Variants in LIPA observed in about 807,000 individuals in gnomAD.
LIPA encodes the protein lysosomal acid lipase/cholesteryl ester hydrolase.
A neutral mutation model predicts 40.6 loss-of-function variants in LIPA; 26 were observed. The observed-to-expected ratio is 0.64, with a 90% CI of 0.47 to 0.89. The LOEUF is 0.89. LIPA is among the 40% of genes least tolerant of loss of function. The pLI, the probability that LIPA is intolerant of heterozygous loss-of-function variation, is 0.00. For missense variants in LIPA, 455 were observed against 479.6 expected, an observed-to-expected ratio of 0.95 and a Z score of 0.48; for synonymous variants, 188 against 168.4, an observed-to-expected ratio of 1.12 and a Z score of -0.90.
intron 3 of LIPA, among the ~76,000 whole-genome samples, chr10:89,229,859 C>T (rs1274326432): frequency 6.6e-6 from 1 of 151,722 alleles, no homozygotes; most frequent in Non-Finnish European, 1.5e-5. Flanking sequence ...ATGTTCATAA[C>T]AGGGGAGTGT....
chr10:89,273,571 G>A (rs533006016), intron 1 of LIPA, among the ~76,000 whole-genome samples: 1 of 152,300 alleles, frequency 6.6e-6, no homozygotes, highest in South Asian at 2.1e-4. Context: ...AAAGTGTTGT[G>A]CTGAGAAAAA....
At chr10:89,296,020 T>TCTATG (rs1427931078) in intron 1 of LIPA, among the ~76,000 whole-genome samples, 3 of 152,242 alleles carry the variant, frequency 2.0e-5, no homozygotes, top group African/African-American at 7.2e-5. Context: ...AAAACCTTTC[T>TCTATG]CTATGCTTCT....
chr10:89,365,632 G>A (rs1844051111), intron 2 of LIPA, among the ~76,000 whole-genome samples: 1 of 151,986 alleles, frequency 6.6e-6, no homozygotes, highest in Non-Finnish European at 1.5e-5. Flanking sequence ...TTTGTATAAG[G>A]TGTAAGGAAG....
intron 1 of LIPA, chr10:89,307,421 G>A: frequency 6.9e-7 from 1 of 1,456,188 alleles, no homozygotes; most frequent in Non-Finnish European, 9.4e-7. Flanking sequence ...AAAGGGAGCT[G>A]AAATTCCTCC....
At chr10:89,350,772 T>C (rs11203087) in intron 2 of LIPA, among the ~76,000 whole-genome samples, 8,562 of 152,254 alleles carry the variant, frequency 0.056, 668 homozygotes, top group African/African-American at 0.18. Context: ...TTTATCTGTC[T>C]AGTGAACTTG....
intron 2 of LIPA, among the ~76,000 whole-genome samples, chr10:89,361,758 A>G (rs1306589773): frequency 6.6e-6 from 1 of 152,080 alleles, no homozygotes; most frequent in Non-Finnish European, 1.5e-5. Flanking sequence ...TTGCAGGGAC[A>G]GCACCAAACA....
At chr10:89,382,481 A>T (rs1452374771) in intron 2 of LIPA, among the ~76,000 whole-genome samples, 1 of 152,160 alleles carries the variant, frequency 6.6e-6, no homozygotes, top group East Asian at 1.9e-4. Flanking sequence ...GGTCCCACTG[A>T]CTTCATATTA....
chr10:89,381,174 C>T (rs1054647747), intron 2 of LIPA, among the ~76,000 whole-genome samples: 1 of 152,196 alleles, frequency 6.6e-6, no homozygotes, highest in African/African-American at 2.4e-5. Context: ...AATGGCTTAT[C>T]TTCAAATATT....
chr10:89,341,456 T>A (rs1843869828), intron 1 of LIPA, among the ~76,000 whole-genome samples: 2 of 152,244 alleles, frequency 1.3e-5, no homozygotes. Flanking sequence ...ACTCTTGAGA[T>A]TAACTTCTGC....
rs182296329 is a variant in LIPA at position 89,407,815 on chromosome 10, A to G, written c.61+4976T>C. ...CTCTTTGTGGTCTAGGAGGACAGGC[A>G]AGGGTGCAGGTTTTCGAGAATGTGT... is the stretch of plus-strand genomic sequence containing the variant. On this transcript the variant is annotated intron_variant, in intron 2 of 8. Coordinates refer to the LIPA transcript ENST00000371837. Among the ~76,000 whole-genome samples the G allele has an allele frequency of 9.0e-4, 137 of 152,280 alleles. 1 individual carries two copies. The highest frequency in any genetic ancestry group is 3.2e-3 in the African/African-American group (131 of 41,560).
At chr10:89,393,191 C>T in intron 2 of LIPA, 5 of 1,290,156 alleles carry the variant, frequency 3.9e-6, no homozygotes, top group Non-Finnish European at 5.1e-6. Flanking sequence ...GTGGGTAATA[C>T]AGTGGAGATG....
chr10:89,402,752 G>A (rs781112450), intron 2 of LIPA: 9 of 1,614,062 alleles, frequency 5.6e-6, no homozygotes, highest in Admixed American at 3.3e-5. Flanking sequence ...ATTATGAACG[G>A]GCCAAGGCCT....
chr10:89,360,585 G>T (rs563894224), intron 2 of LIPA, among the ~76,000 whole-genome samples: 39 of 152,306 alleles, frequency 2.6e-4, no homozygotes, highest in Admixed American at 4.6e-4. Context: ...CTAGAGATGG[G>T]TTTTCTCCAT....
At chr10:89,377,534 A>G (rs1038511442) in intron 2 of LIPA, among the ~76,000 whole-genome samples, 3 of 152,194 alleles carry the variant, frequency 2.0e-5, no homozygotes, top group African/African-American at 7.2e-5. Context: ...CCAATATCTC[A>G]AAATTGAGGA....
intron 2 of LIPA, among the ~76,000 whole-genome samples, chr10:89,354,028 C>T (rs1181455121): frequency 1.3e-5 from 2 of 152,148 alleles, no homozygotes; most frequent in African/African-American, 4.8e-5. Context: ...TTCTCTCCTG[C>T]TCTGAAACTT....
At chr10:89,402,173 T>G (rs1485494559) in intron 2 of LIPA, 2 of 695,268 alleles carry the variant, frequency 2.9e-6, no homozygotes, top group Admixed American at 2.8e-5. Flanking sequence ...GAAACCTAAG[T>G]AAGTTGATCC....
chr10:89,350,594 C>T (rs1475825756), intron 2 of LIPA, among the ~76,000 whole-genome samples: 1 of 151,344 alleles, frequency 6.6e-6, no homozygotes, highest in African/African-American at 2.4e-5. Context: ...TGTGAGCCAC[C>T]GTGCCTGGCC....
intron 3 of LIPA, among the ~76,000 whole-genome samples, chr10:89,229,855 A>G (rs1842819497): frequency 6.6e-6 from 1 of 152,106 alleles, no homozygotes; most frequent in African/African-American, 2.4e-5. Context: ...AGGGATGTTC[A>G]TAACAGGGGA....
chr10:89,290,735 T>C (rs1009184184), intron 1 of LIPA, among the ~76,000 whole-genome samples: 13 of 152,294 alleles, frequency 8.5e-5, no homozygotes, highest in African/African-American at 3.1e-4. Flanking sequence ...CCCCCTTTGA[T>C]GTAATTTTCC....
Sources: allele counts gnomAD v4.1 joint callset (sites outside exome capture counted in the v4.1 genomes callset), GRCh38; gene constraint gnomAD v4.1.1; transcripts MANE v1.5; gene names NCBI Gene and HGNC (gene_info 2026-07-23, HGNC 2026-07-21).